The following LRP6 variants were observed in gnomAD, a reference collection of about 807,000 sequenced individuals.
LRP6 encodes LDL receptor related protein 6, also known as low-density lipoprotein receptor-related protein 6.
Under a neutral mutation model 184.1 loss-of-function variants are expected in LRP6, and 43 were observed. The ratio of observed to expected loss-of-function variants is 0.23; its 90% CI spans 0.18 to 0.30. The LOEUF (loss-of-function observed/expected upper bound fraction) is 0.30. Among genes scored for constraint, LRP6 ranks in the 10% least tolerant of loss-of-function variants. The probability of loss-of-function intolerance (pLI) is 1.00; values close to 1 mark genes in which losing one functional copy is unlikely to be tolerated. For missense variants in LRP6, 1,571 were observed against 2,005.3 expected (o/e 0.78, Z 4.14); for synonymous variants, 719 against 684.9 (o/e 1.05, Z -0.78).
intron 22 of LRP6, among the ~76,000 whole-genome samples, chr12:12,122,817 G>A (rs1038879019): frequency 3.3e-5 from 5 of 151,972 alleles, no homozygotes; most frequent in Admixed American, 3.3e-4. Context: ...GGGTGACAGA[G>A]CAAGACCCTG....
At chr12:12,165,435 T>C (rs749331449) in intron 7 of LRP6, 140 bp from the exon 8 acceptor site, 17 of 699,652 alleles carry the variant, frequency 2.4e-5, no homozygotes, top group Non-Finnish European at 3.8e-5. Flanking sequence ...CAAAATTACA[T>C]GATGATTTTA....
At chr12:12,264,258 T>C (rs945890148) in intron 1 of LRP6, among the ~76,000 whole-genome samples, 3 of 152,102 alleles carry the variant, frequency 2.0e-5, no homozygotes, top group African/African-American at 7.2e-5. Flanking sequence ...AACAAGGTAC[T>C]CCATATTATT....
intron 14 of LRP6, 26 bp downstream of exon 14, chr12:12,148,916 A>T: frequency 6.4e-7 from 1 of 1,559,716 alleles, no homozygotes; most frequent in Non-Finnish European, 8.8e-7. Flanking sequence ...AAGCCACAGT[A>T]TCTGAACGCC....
At chr12:12,138,900 C>G in intron 15 of LRP6, 1 of 1,371,050 alleles carries the variant, frequency 7.3e-7, no homozygotes, top group Middle Eastern at 2.1e-4. Context: ...ATACCTGAGG[C>G]ATTTATGAAG....
At chr12:12,123,158 C>T (rs115252422) in intron 22 of LRP6, among the ~76,000 whole-genome samples, 1,675 of 152,144 alleles carry the variant, frequency 0.011, 36 homozygotes, top group African/African-American at 0.037. Context: ...TGGGCTTATA[C>T]GGAAAATAGT....
chr12:12,194,297 A>C (rs1395707935), intron 3 of LRP6, among the ~76,000 whole-genome samples: 4 of 152,028 alleles, frequency 2.6e-5, no homozygotes, highest in Non-Finnish European at 5.9e-5. Context: ...AAAAACATAC[A>C]AAACAAACAT....
At chr12:12,163,063 C>G (rs1340394378) in intron 9 of LRP6, among the ~76,000 whole-genome samples, 3 of 152,130 alleles carry the variant, frequency 2.0e-5, no homozygotes, top group African/African-American at 7.2e-5. Flanking sequence ...GCAACTTCTG[C>G]CTCCCAGGTT....
intron 1 of LRP6, 137 bp from the exon 2 acceptor site, chr12:12,244,792 T>A (rs1329506643): frequency 1.3e-6 from 1 of 762,594 alleles, no homozygotes; most frequent in African/African-American, 1.8e-5. Context: ...TAGGAGACCA[T>A]CTAAACTTCA....
chr12:12,167,339 T>A (rs1170952074), intron 7 of LRP6, among the ~76,000 whole-genome samples: 1 of 152,008 alleles, frequency 6.6e-6, no homozygotes, highest in Non-Finnish European at 1.5e-5. Context: ...TAAGCAAGTC[T>A]CACAAATAAA....
intron 2 of LRP6, among the ~76,000 whole-genome samples, chr12:12,243,006 A>G (rs1865102908): frequency 6.6e-6 from 1 of 152,252 alleles, no homozygotes; most frequent in Admixed American, 6.5e-5. Flanking sequence ...AATGAGTTTT[A>G]AAGCATTCTA....
At chr12:12,190,002 C>G (rs1863570286) in intron 3 of LRP6, among the ~76,000 whole-genome samples, 1 of 152,074 alleles carries the variant, frequency 6.6e-6, no homozygotes, top group Admixed American at 6.5e-5. Context: ...GGATCCCACA[C>G]AATGGTAAGG....
At chr12:12,148,860 G>C (rs1950044270) in intron 14 of LRP6, 82 bp downstream of exon 14, 1 of 987,446 alleles carries the variant, frequency 1.0e-6, no homozygotes, top group Non-Finnish European at 1.6e-6. Flanking sequence ...GACACTTAAA[G>C]GTAAATAAAT....
chr12:12,162,799 T>C (rs543266324), intron 9 of LRP6, among the ~76,000 whole-genome samples: 1 of 152,350 alleles, frequency 6.6e-6, no homozygotes, highest in East Asian at 1.9e-4. Flanking sequence ...CAAGTCATCA[T>C]GCCTACCATA....
intron 2 of LRP6, among the ~76,000 whole-genome samples, chr12:12,239,783 C>A (rs1029116019): frequency 6.6e-6 from 1 of 151,482 alleles, no homozygotes; most frequent in Non-Finnish European, 1.5e-5. Flanking sequence ...GCAAAGAAAG[C>A]TTTTATTAAA....
At position 12,151,005 on chromosome 12, in the gene LRP6, C is replaced by T. The variant is rs1273978644; in HGVS notation, c.2825G>A (p.Ser942Asn). 1.9e-6 allele frequency: 3 copies of T among 1,614,028 alleles called. No individual in the cohort carries two copies. Among genetic ancestry groups the T allele is most frequent in the Non-Finnish European group, 8.5e-7 (1 of 1,180,022 alleles). Residue 942 changes from serine to asparagine, a missense_variant, in exon 13 of 23, where the codon AGT (serine) becomes AAT (asparagine). By Grantham distance (46) the Ser-to-Asn change is conservative (BLOSUM62 1). Transcript: ENST00000261349. ...ATCAATCACCATGCGGTTGATGGCA[C>T]TCTTTTGACTGAAGAGCAGGAAAGT... The part of the protein sequence containing the change: ...PTTFLLFSQK[S>N]AINRMVIDEQ...
chr12:12,213,854 C>T (rs1338347397), intron 2 of LRP6, among the ~76,000 whole-genome samples: 1 of 152,064 alleles, frequency 6.6e-6, no homozygotes, highest in African/African-American at 2.4e-5. Context: ...TTAACATTAG[C>T]TCTATTAATA....
intron 1 of LRP6, among the ~76,000 whole-genome samples, chr12:12,263,954 A>G (rs1047390785): frequency 1.9e-4 from 29 of 152,264 alleles, no homozygotes; most frequent in East Asian, 1.5e-3. Context: ...CCTGGGCAAC[A>G]TATCAAGACA....
chr12:12,185,544 ACACT>A (rs957361159), intron 4 of LRP6, among the ~76,000 whole-genome samples: 1 of 152,220 alleles, frequency 6.6e-6, no homozygotes, highest in Non-Finnish European at 1.5e-5. Flanking sequence ...AATCTGAAAT[ACACT>A]CAGACAGATG....
intron 7 of LRP6, among the ~76,000 whole-genome samples, chr12:12,176,464 A>AAAATG (rs1243466046): frequency 1.3e-5 from 2 of 152,312 alleles, no homozygotes; most frequent in Middle Eastern, 3.4e-3. Context: ...ATCATTAGCA[A>AAAATG]TGCCCTACGC....
Sources: allele counts gnomAD v4.1 joint callset (sites outside exome capture counted in the v4.1 genomes callset), GRCh38; gene constraint gnomAD v4.1.1; transcripts MANE v1.5; gene names NCBI Gene and HGNC (gene_info 2026-07-23, HGNC 2026-07-21).